The following PDE4DIP variants were observed in gnomAD, a reference collection of about 807,000 sequenced individuals.
PDE4DIP encodes the protein myomegalin.
PDE4DIP carries 59 observed loss-of-function variants against 221.4 expected under a neutral mutation model. That is an observed-to-expected ratio of 0.27 (90% CI 0.22 to 0.33). The LOEUF (loss-of-function observed/expected upper bound fraction) is 0.33. Ranked by LOEUF, PDE4DIP falls within the 10% of genes least tolerant of loss-of-function variation. The probability of loss-of-function intolerance (pLI) is 1.00; values close to 1 mark genes in which losing one functional copy is unlikely to be tolerated. For missense variants in PDE4DIP, 1,036 were observed against 2,154.2 expected (o/e 0.48, Z 10.28); for synonymous variants, 404 against 815.9 (o/e 0.50, Z 8.60).
intron 21 of PDE4DIP, chr1:148,991,628 G>C (rs1251586383): frequency 5.6e-6 from 5 of 892,656 alleles, no homozygotes; most frequent in Non-Finnish European, 6.7e-6. Context: ...TCCGACAGTC[G>C]GCTCCTTAGA....
chr1:148,950,739 A>T (rs781831118), intron 5 of PDE4DIP, among the ~76,000 whole-genome samples: 6 of 151,270 alleles, frequency 4.0e-5, no homozygotes. Flanking sequence ...CCCATGAGGG[A>T]TCTGCCCCCC....
intron 20 of PDE4DIP, 32 bp from the exon 24 acceptor site, chr1:148,981,238 C>A: frequency 6.2e-7 from 1 of 1,610,158 alleles, no homozygotes; most frequent in South Asian, 1.1e-5. Flanking sequence ...GATGGCTAAT[C>A]CACTTTCCTT....
chr1:148,922,746 C>G (rs1166611147), intron 1 of PDE4DIP, among the ~76,000 whole-genome samples: 3 of 150,002 alleles, frequency 2.0e-5, no homozygotes, highest in African/African-American at 7.3e-5. Flanking sequence ...CGCCACCACA[C>G]CCGGCTAATT....
intron 1 of PDE4DIP, among the ~76,000 whole-genome samples, chr1:148,842,124 T>TA (rs1178902360): frequency 3.2e-5 from 1 of 31,160 alleles, no homozygotes; most frequent in African/African-American, 8.0e-5. Context: ...AAGGCATACA[T>TA]ACATTCAACC....
At chr1:149,014,857 G>A (rs1470273687) in intron 32 of PDE4DIP, among the ~76,000 whole-genome samples, 1 of 152,114 alleles carries the variant, frequency 6.6e-6, no homozygotes, top group Non-Finnish European at 1.5e-5. Context: ...ACTGTGTATT[G>A]TGTGGCCAAT....
intron 14 of PDE4DIP, among the ~76,000 whole-genome samples, chr1:148,969,999 C>T (rs1456188677): frequency 5.9e-5 from 9 of 152,192 alleles, no homozygotes; most frequent in African/African-American, 2.2e-4. Flanking sequence ...AGCCACCATG[C>T]CCTGCCCATA....
chr1:148,929,286 T>G lies in PDE4DIP; in HGVS notation c.218+13T>G, dbSNP rs1349088537. 1.2e-6 allele frequency: 2 copies of G among 1,603,718 alleles called. No homozygotes were observed. Among genetic ancestry groups the G allele is most frequent in the African/African-American group, 2.7e-5 (2 of 74,666 alleles). On this transcript the variant is annotated intron_variant, in intron 2 of 43. Coordinates refer to ENST00000369354, the Ensembl canonical transcript of PDE4DIP. ...TGGATAAAACATGGTAAGTTGTAAT[T>G]TTAAGCTCTGGTCCTTTCCAGAGTC...
intron 21 of PDE4DIP, among the ~76,000 whole-genome samples, chr1:148,987,892 C>G (rs1417502227): frequency 6.6e-6 from 1 of 152,092 alleles, no homozygotes; most frequent in Non-Finnish European, 1.5e-5. Context: ...CATAATGAGA[C>G]CTCATCTGTA....
intron 1 of PDE4DIP, among the ~76,000 whole-genome samples, chr1:148,923,856 C>A (rs2046073632): frequency 1.4e-5 from 2 of 146,158 alleles, no homozygotes; most frequent in Admixed American, 1.4e-4. Context: ...GTAATTTTTG[C>A]AAACCCTATT....
chr1:149,028,749 C>T, intron 41 of PDE4DIP, 46 bp downstream of exon 44: 1 of 1,110,960 alleles, frequency 9.0e-7, no homozygotes, highest in South Asian at 1.3e-5. Context: ...GTTCTCCTGC[C>T]CTCCAATACT....
At chr1:148,937,360 A>G (rs1449768710) in intron 4 of PDE4DIP, among the ~76,000 whole-genome samples, 1 of 152,182 alleles carries the variant, frequency 6.6e-6, no homozygotes, top group African/African-American at 2.4e-5. Context: ...TTCCAACTTC[A>G]TATTTCCAGT....
chr1:148,924,430 A>G (rs1186002873), intron 1 of PDE4DIP, among the ~76,000 whole-genome samples: 7 of 152,096 alleles, frequency 4.6e-5, no homozygotes, highest in East Asian at 3.8e-4. Context: ...AAAAATCGTT[A>G]AAAGGTTTTT....
At chr1:148,866,594 AAGGAAGGAAGGAAGGG>A (rs1686822238) in intron 2 of PDE4DIP, 1 of 48,234 alleles carries the variant, frequency 2.1e-5, no homozygotes, top group African/African-American at 9.8e-5. Context: ...GGAAGGAAGG[AAGGAAGGAAGGAAGGG>A]AGGGAGGGAG....
intron 5 of PDE4DIP, among the ~76,000 whole-genome samples, chr1:148,944,765 G>C (rs2051238800): frequency 6.6e-6 from 1 of 152,022 alleles, no homozygotes; most frequent in Non-Finnish European, 1.5e-5. Context: ...CAGCTACTGG[G>C]GAGGCTGAGG....
intron 5 of PDE4DIP, among the ~76,000 whole-genome samples, chr1:148,951,254 T>C (rs1255625048): frequency 6.7e-6 from 1 of 148,880 alleles, no homozygotes; most frequent in Non-Finnish European, 1.5e-5. Context: ...TGTCCTGCTC[T>C]AGGGGACTGC....
At chr1:149,031,848 C>T in intron 43 of PDE4DIP, 96 bp from the exon 47 acceptor site, 6 of 1,193,752 alleles carry the variant, frequency 5.0e-6, no homozygotes, top group Non-Finnish European at 7.2e-6. Context: ...GTGCTCCTGG[C>T]TTTGGTCACC....
intron 6 of PDE4DIP, among the ~76,000 whole-genome samples, chr1:148,961,230 C>T (rs1429545680): frequency 1.3e-5 from 2 of 152,156 alleles, no homozygotes; most frequent in East Asian, 1.9e-4. Context: ...ATCGCTTGAA[C>T]GCAGGAGGTG....
chr1:149,028,846 C>G (rs1468511048), intron 41 of PDE4DIP, 143 bp downstream of exon 44: 2 of 621,152 alleles, frequency 3.2e-6, no homozygotes, highest in Non-Finnish European at 5.7e-6. Flanking sequence ...AGGAGTGTCC[C>G]TGGAGGGACA....
intron 1 of PDE4DIP, among the ~76,000 whole-genome samples, chr1:148,861,662 AAGAG>A (rs1472709828): frequency 1.7e-5 from 2 of 117,118 alleles, no homozygotes; most frequent in African/African-American, 7.6e-5. Flanking sequence ...AAAAGAGAGA[AAGAG>A]AGAAGTCCTC....
Sources: gnomAD v4.1 joint callset for allele counts (sites outside exome capture counted in the v4.1 genomes callset) on GRCh38, gnomAD v4.1.1 for gene constraint, MANE v1.5 for transcripts, NCBI Gene and HGNC (gene_info 2026-07-23, HGNC 2026-07-21) for gene names.